The following SIGLEC11 variants were observed in gnomAD, a reference collection of about 807,000 sequenced individuals.
The protein encoded by SIGLEC11 is sialic acid-binding Ig-like lectin 11.
In SIGLEC11, 47 loss-of-function variants were observed where a neutral mutation model predicts 61.2. The ratio of observed to expected loss-of-function variants is 0.77; its 90% CI spans 0.61 to 0.98. The LOEUF (loss-of-function observed/expected upper bound fraction) is 0.98, where lower values mean the gene tolerates loss of function less well. Among genes scored for constraint, SIGLEC11 ranks in the 50% least tolerant of loss-of-function variants. SIGLEC11 has a pLI of 0.00. For synonymous variants in SIGLEC11, 278 were observed against 373.1 expected, an observed-to-expected ratio of 0.75 and a Z score of 2.94; for missense variants, 610 against 870.3, an observed-to-expected ratio of 0.70 and a Z score of 3.76.
In SIGLEC11 at chr19:49,952,363, C is replaced by A. The variant is rs750618619; in HGVS notation, c.1683G>T (p.Leu561=). The change falls in exon 9 of 11, where the codon CTG becomes CTT. Residue 561 remains leucine, a synonymous_variant. Coordinates refer to ENST00000447370, the MANE Select transcript of SIGLEC11 (RefSeq NM_052884.3). ...CGACGCCAGCTCCCAGGGCAGCCCC[C>A]AGGCCAAGTCCTCCCCCATGCTCCA... ...GKLEHGGGLG[L]GAALGAGVAA... is the part of the protein sequence containing the mutation. 6.2e-7 allele frequency: 1 copy of A among 1,608,940 alleles called. No individual in the cohort carries two copies.
At chr19:49,952,161 C>A in intron 9 of SIGLEC11, 137 bp downstream of exon 9, 1 of 1,050,018 alleles carries the variant, frequency 9.5e-7, no homozygotes, top group Non-Finnish European at 1.4e-6. Context: ...CTGGAGCAGA[C>A]CCCTGCTCTG....
rs911739393 is a variant in SIGLEC11 at position 49,949,312 on chromosome 19, G to A, written c.*658C>T. 6.6e-6 allele frequency: 1 copy of A among 150,524 alleles called. No homozygotes were observed. Among genetic ancestry groups the A allele is most frequent in the Non-Finnish European group, 1.5e-5 (1 of 67,800 alleles). 9.3% of individuals were successfully genotyped at this position (150,524 alleles called of 1,614,324 possible). A position where few individuals can be genotyped will look rare whatever the true frequency, so the allele number is the denominator to read the frequency against. ...TTTTTTTTTTTTTAAATGTTCAAAT[G>A]GGAACCACTTGGACTTGGTCCTCTC... is the stretch of plus-strand genomic sequence containing the variant. On this transcript the variant is annotated 3_prime_UTR_variant, in exon 11 of 11. Transcript: ENST00000447370.
At position 49,960,391 on chromosome 19, in the gene SIGLEC11, G is replaced by A; in HGVS notation, c.491C>T (p.Pro164Leu). The A allele has an allele frequency of 6.3e-7, 1 of 1,597,338 alleles. No individual in the cohort carries two copies. Among genetic ancestry groups the A allele is most frequent in the Non-Finnish European group, 8.5e-7 (1 of 1,178,548 alleles). The change falls in exon 3 of 11, where the codon CCC becomes CTC. Residue 164 changes from proline to leucine, a missense_variant. By Grantham distance (98) the Pro-to-Leu change is moderately conservative (BLOSUM62 -3). Around this residue, in one of 6 missense-constraint regions of SIGLEC11, gnomAD observed 99 missense variants for 131.6 expected, o/e 0.75. Coordinates refer to ENST00000447370, the MANE Select transcript of SIGLEC11 (RefSeq NM_052884.3). The part of the protein sequence containing the change: ...ALTKKPDVYI[P>L]ETLEPGQPVT... ...CGGCTGCCCGGGCTCCAGGGTCTCG[G>A]GGATGTAGACATCAGGCTTCTTAGT...
chr19:49,960,677 C>G lies in SIGLEC11; in HGVS notation c.335G>C (p.Gly112Ala), dbSNP rs778435272. Residue 112 changes from glycine (G) to alanine (A), a missense_variant, in exon 2 of 11, where the codon GGG becomes GCG. By Grantham distance (60) the Gly-to-Ala change is moderately conservative. This residue lies in a region of SIGLEC11 where 99 missense variants were observed against 131.6 expected (regional missense o/e 0.75). Transcript: ENST00000447370. ...RFQLTGDPGK[G>A]SCSLVIRDAQ... ...GTCTCTGATCACCAAGGAGCAGCTC[C>G]CTTTGCCGGGATCCCCAGTGAGCTG... 9 of 1,610,042 alleles carry G rather than the reference C, an allele frequency of 5.6e-6. No individual in the cohort carries two copies. In the East Asian group the frequency reaches 1.8e-4, roughly 32 times the overall value.
intron 9 of SIGLEC11, 96 bp downstream of exon 9, chr19:49,952,202 C>T: frequency 1.5e-6 from 2 of 1,310,250 alleles, no homozygotes; most frequent in East Asian, 2.3e-5. Context: ...GTTCTCACAC[C>T]CACTGCCCCA....
In SIGLEC11 at chr19:49,960,281, TA is replaced by T; in HGVS notation, c.600del (p.Arg201GlufsTer37). The T allele has an allele frequency of 1.2e-6, 2 of 1,600,714 alleles. No individual in the cohort carries two copies. Among genetic ancestry groups the T allele is most frequent in the Non-Finnish European group, 1.7e-6 (2 of 1,174,328 alleles). On this transcript the variant is annotated frameshift_variant, in exon 3 of 11. Coordinates refer to ENST00000447370, the MANE Select transcript of SIGLEC11 (RefSeq NM_052884.3). LOFTEE classifies it high-confidence loss of function. ...SFSWTGAALS[P>X]RRTRPSTSHF... ...TGGGAGGTGCTTGGTCTGGTTCTTCTAGGGGAGAGGGCAGCCCCCGTCCAGG... is the reference window on the plus strand; with the variant it reads ...TGGGAGGTGCTTGGTCTGGTTCTTCTGGGGAGAGGGCAGCCCCCGTCCAGG...
chr19:49,959,450 C>T lies in SIGLEC11; in HGVS notation c.967G>A (p.Gly323Arg). The change falls in exon 5 of 11, where the codon GGG becomes AGG. Residue 323 changes from glycine to arginine, a missense_variant. Coordinates refer to ENST00000447370, the MANE Select transcript of SIGLEC11 (RefSeq NM_052884.3). Reference protein sequence around the residue: ...GPRTLGLELRGVRAGDSGRYT... With the variant: ...GPRTLGLELRRVRAGDSGRYT... ...CGCCCTGAATCCCCGGCCCTTACCC[C>T]ACGCAGCTCCAGCCCCAGGGTTCTG... is the stretch of plus-strand genomic sequence containing the variant. 1 of 1,592,210 alleles carries T rather than the reference C, an allele frequency of 6.3e-7. No homozygotes were observed. Among genetic ancestry groups the T allele is most frequent in the Non-Finnish European group, 8.5e-7 (1 of 1,178,446 alleles).
chr19:49,956,867 G>A (rs909362934), intron 8 of SIGLEC11, among the ~76,000 whole-genome samples: 1 of 150,218 alleles, frequency 6.7e-6, no homozygotes, highest in Non-Finnish European at 1.5e-5. Flanking sequence ...GTTAGCTTTG[G>A]ACTACTCCTA....
rs535051162 is a variant in SIGLEC11 at position 49,951,445 on chromosome 19, G to T, written c.1830+446C>A. ...CAGTGAGTCCTGCGAGTCCTAGGGG[G>T]TTATCCAACCTCAGAGTGGTCGTGG... On this transcript the variant is annotated intron_variant, in intron 10 of 10. Transcript: ENST00000447370. The surrounding 1 kb of genome is among the most constrained non-coding windows in gnomAD (Gnocchi z 4.6). Among the ~76,000 whole-genome samples the T allele has an allele frequency of 4.6e-5, 7 of 152,310 alleles. No homozygotes were observed. The East Asian group carries it at 1.2e-3, about 25-fold the overall frequency.
rs140012887 is a variant in SIGLEC11, at chr19:49,955,748, C to T, written c.1651+2535G>A. On this transcript the variant is annotated intron_variant, in intron 8 of 10. Coordinates refer to ENST00000447370, the MANE Select transcript of SIGLEC11 (RefSeq NM_052884.3). The surrounding 1 kb of genome is among the most constrained non-coding windows in gnomAD (Gnocchi z 4.5). ...AGGAGATTGAGACCATCCTGGCTAA[C>T]ACTGTGAAACCCTGTCTCTAGTAAA... 1.5e-3 allele frequency among the ~76,000 whole-genome samples: 222 copies of T among 152,230 alleles called. No individual in the cohort carries two copies. Among genetic ancestry groups the T allele is most frequent in the African/African-American group, 5.0e-3 (209 of 41,552 alleles).
Position 49,961,058 on chromosome 19 carries a change from G to A in SIGLEC11, c.24C>T (p.Pro8=). 7.9e-7 allele frequency: 1 copy of A among 1,269,220 alleles called. No individual in the cohort carries two copies. The highest frequency in any genetic ancestry group is 1.1e-6 in the Non-Finnish European group (1 of 922,258). The allele number at this position is 1,269,220 out of a possible 1,614,324, so 78.6% of individuals were successfully genotyped here. The change falls in exon 1 of 11, where the codon CCC becomes CCT. Residue 8 remains proline, a synonymous_variant. Coordinates refer to ENST00000447370, the MANE Select transcript of SIGLEC11 (RefSeq NM_052884.3). ...GCAGCAGCAGCATCTCTGGGCTCTGGGGCTGGGCCTGTCCCGGGACCATCT... is the reference window on the plus strand; with the variant it reads ...GCAGCAGCAGCATCTCTGGGCTCTGAGGCTGGGCCTGTCCCGGGACCATCT... MVPGQAQ[P]QSPEMLLLPL...
At chr19:49,958,212 C>T (rs962194908) in intron 8 of SIGLEC11, 71 bp downstream of exon 8, 1 of 1,595,438 alleles carries the variant, frequency 6.3e-7, no homozygotes, top group African/African-American at 1.4e-5. Flanking sequence ...CTCCCCACAA[C>T]CTTGAACCTT....
intron 8 of SIGLEC11, among the ~76,000 whole-genome samples, chr19:49,954,794 G>C (rs1411296959): frequency 6.6e-6 from 1 of 152,108 alleles, no homozygotes; most frequent in African/African-American, 2.4e-5. Context: ...AGCAGATGCA[G>C]TGAATGCTCA....
intron 8 of SIGLEC11, among the ~76,000 whole-genome samples, chr19:49,952,671 C>A (rs1260701369): frequency 6.6e-6 from 1 of 152,208 alleles, no homozygotes; most frequent in East Asian, 1.9e-4. Flanking sequence ...CAGACACACC[C>A]CCTTCCAGAG....
At position 49,958,668 on chromosome 19, in the gene SIGLEC11, G is replaced by GT; in HGVS notation, c.1337dup (p.His446GlnfsTer24). 1.2e-6 allele frequency: 2 copies of GT among 1,604,644 alleles called. No individual in the cohort carries two copies. The highest frequency in any genetic ancestry group is 1.7e-6 in the Non-Finnish European group (2 of 1,175,300). ...AGTGCACGGAGAGGCTGAGAGAGAC[G>GT]TGCTGGGAGCCCAGAGGGTGCTGAG... On this transcript the variant is annotated frameshift_variant, in exon 7 of 11. Transcript: ENST00000447370. LOFTEE classifies it high-confidence loss of function.
At position 49,959,236 on chromosome 19, in the gene SIGLEC11, C is replaced by T. The variant is rs1227916049; in HGVS notation, c.1057+124G>A. On this transcript the variant is annotated intron_variant, in intron 5 of 10. Transcript: ENST00000447370. ...GACACAAACTGCATGAGGGTCTACA[C>T]AGGTAAGAAGGTCAGTCCCCGAGGC... The T allele has an allele frequency of 1.5e-5, 22 of 1,485,810 alleles. No homozygotes were observed. The African/African-American group carries it at 1.8e-4, about 12-fold the overall frequency. 92.0% of individuals were successfully genotyped at this position (1,485,810 alleles called of 1,614,324 possible). A position where few individuals can be genotyped will look rare whatever the true frequency, so the allele number is the denominator to read the frequency against.
In SIGLEC11 at chr19:49,958,810, G is replaced by T. The variant is rs1226136767; in HGVS notation, c.1196C>A (p.Ala399Asp). ...TCCCCACCGGGTCCAGCTCAGCCTGGCTGGGGGGCTGCTGTGGGTGACACA... is the reference window on the plus strand; with the variant it reads ...TCCCCACCGGGTCCAGCTCAGCCTGTCTGGGGGGCTGCTGTGGGTGACACA... ...LVCVTHSSPP[A>D]RLSWTRWGQT... Residue 399 changes from alanine (A) to aspartate (D), a missense_variant, in exon 7 of 11, where the codon GCC becomes GAC. Physicochemically the swap from Ala to Asp is moderately radical, Grantham distance 126. This residue lies in a region of SIGLEC11 where 432 missense variants were observed against 441.5 expected (regional missense o/e 0.98). Coordinates refer to ENST00000447370, the MANE Select transcript of SIGLEC11 (RefSeq NM_052884.3). 8 of 1,612,816 alleles carry T rather than the reference G, an allele frequency of 5.0e-6. No homozygotes were observed. Among genetic ancestry groups the T allele is most frequent in the Non-Finnish European group, 6.8e-6 (8 of 1,179,420 alleles).
At position 49,958,656 on chromosome 19, in the gene SIGLEC11, G is replaced by C; in HGVS notation, c.1350C>G (p.Ser450Arg). 6.3e-7 allele frequency: 1 copy of C among 1,599,988 alleles called. No homozygotes were observed. Among genetic ancestry groups the C allele is most frequent in the Non-Finnish European group, 8.5e-7 (1 of 1,173,198 alleles). The change falls in exon 7 of 11, where the codon AGC becomes AGG. Residue 450 changes from serine to arginine, a missense_variant. Physicochemically the swap from Ser to Arg is moderately radical, Grantham distance 110. Coordinates refer to ENST00000447370, the MANE Select transcript of SIGLEC11 (RefSeq NM_052884.3). ...HPLGSQHVSL[S>R]LSVHYPPQLL... ...TCCCCCACTCACAGTGCACGGAGAG[G>C]CTGAGAGAGACGTGCTGGGAGCCCA...
Position 49,950,186 on chromosome 19 carries a change from T to C in SIGLEC11, c.1881A>G (p.Pro627=), listed in dbSNP as rs1248645478. 2 of 1,604,704 alleles carry C rather than the reference T, an allele frequency of 1.2e-6. No homozygotes were observed. The change falls in exon 11 of 11, where the codon CCA becomes CCG. Residue 627 remains proline (P), a synonymous_variant. Transcript: ENST00000447370. The part of the protein sequence containing the change: ...SAGSSQDHPP[P]GAATYTPGKG... Reference sequence around the variant, plus strand: ...TCCCCGGGGTGTAGGTGGCTGCACCTGGGGGCGGGTGGTCTTGGGAGCTGC... The same window carrying C: ...TCCCCGGGGTGTAGGTGGCTGCACCCGGGGGCGGGTGGTCTTGGGAGCTGC...
Sources: gnomAD v4.1 joint callset for allele counts (sites outside exome capture counted in the v4.1 genomes callset) on GRCh38, gnomAD v4.1.1 for gene constraint, gnomAD v4.1.1 regional missense constraint, Gnocchi (gnomAD v3.1) non-coding constraint, MANE v1.5 for transcripts, NCBI Gene and HGNC (gene_info 2026-07-23, HGNC 2026-07-21) for gene names.